The following LRMDA variants were observed in gnomAD, a reference collection of about 807,000 sequenced individuals.
LRMDA encodes leucine-rich melanocyte differentiation-associated protein.
LRMDA carries 18 observed loss-of-function variants against 29.8 expected under a neutral mutation model. The ratio of observed to expected loss-of-function variants is 0.60; its 90% CI spans 0.42 to 0.90. The LOEUF is 0.90. Ranked by LOEUF, LRMDA falls within the 40% of genes least tolerant of loss-of-function variation. The pLI, the probability that LRMDA is intolerant of heterozygous loss-of-function variation, is 0.00. For synonymous variants in LRMDA, 125 were observed against 109.4 expected, an observed-to-expected ratio of 1.14 and a Z score of -0.89; for missense variants, 273 against 273.9, an observed-to-expected ratio of 1.00 and a Z score of 0.02.
At chr10:75,833,546 C>T (rs967409388) in intron 2 of LRMDA, among the ~76,000 whole-genome samples, 1 of 152,170 alleles carries the variant, frequency 6.6e-6, no homozygotes, top group Non-Finnish European at 1.5e-5. Context: ...CCTTCTGTCC[C>T]TCCAAAATTC....
chr10:76,260,322 G>T (rs1481130541), intron 5 of LRMDA, among the ~76,000 whole-genome samples: 2 of 152,126 alleles, frequency 1.3e-5, no homozygotes, highest in Non-Finnish European at 2.9e-5. Context: ...TGATGATGAT[G>T]AAGATTTTCC....
At chr10:75,532,670 T>G (rs1845492184) in intron 2 of LRMDA, among the ~76,000 whole-genome samples, 2 of 152,126 alleles carry the variant, frequency 1.3e-5, no homozygotes, top group African/African-American at 2.4e-5. Flanking sequence ...ATTCTCAGTA[T>G]GGTTGAGACA....
intron 2 of LRMDA, among the ~76,000 whole-genome samples, chr10:75,991,233 C>T (rs998022610): frequency 1.3e-5 from 2 of 152,046 alleles, no homozygotes; most frequent in Admixed American, 6.5e-5. Context: ...TGCTGGCTGT[C>T]GAGTGGAAGA....
chr10:75,999,850 T>C (rs577176914), intron 2 of LRMDA, among the ~76,000 whole-genome samples: 1 of 152,358 alleles, frequency 6.6e-6, no homozygotes, highest in Admixed American at 6.5e-5. Context: ...GAGATTTCTA[T>C]TGTATGCGGG....
intron 6 of LRMDA, among the ~76,000 whole-genome samples, chr10:76,498,666 C>A (rs958489354): frequency 1.3e-5 from 1 of 76,444 alleles, no homozygotes; most frequent in African/African-American, 3.2e-5. Context: ...GGGTGAAACC[C>A]TTTGAAGAGT....
At chr10:75,973,880 C>G (rs1847025439) in intron 2 of LRMDA, among the ~76,000 whole-genome samples, 2 of 152,066 alleles carry the variant, frequency 1.3e-5, no homozygotes, top group Non-Finnish European at 2.9e-5. Context: ...TTGAAAGCAA[C>G]CTGGATTTAG....
intron 6 of LRMDA, among the ~76,000 whole-genome samples, chr10:76,473,618 T>TA (rs56100866): frequency 1.0e-4 from 15 of 147,228 alleles, no homozygotes; most frequent in East Asian, 4.0e-4. Flanking sequence ...AGGATTCTGC[T>TA]AAAAAAAAAA....
rs77479622 is a variant in LRMDA, at chr10:75,549,093, C to T, written c.131+110599C>T. On this transcript the variant is annotated intron_variant, in intron 2 of 6. Coordinates refer to ENST00000611255, the MANE Select transcript of LRMDA (RefSeq NM_001305581.2). Reference sequence around the variant, plus strand: ...ACCCTTTTGTGTGCCTAGTTTCTTTCACTCAAAAGCATAATGCTTTTGAGA... The same window carrying T: ...ACCCTTTTGTGTGCCTAGTTTCTTTTACTCAAAAGCATAATGCTTTTGAGA... 2.4e-3 allele frequency among the ~76,000 whole-genome samples: 363 copies of T among 152,174 alleles called. 5 individuals carry two copies. Among genetic ancestry groups the T allele is most frequent in the African/African-American group, 8.6e-3 (359 of 41,534 alleles).
intron 2 of LRMDA, among the ~76,000 whole-genome samples, chr10:75,713,236 G>A (rs1438344629): frequency 6.6e-6 from 1 of 152,216 alleles, no homozygotes; most frequent in African/African-American, 2.4e-5. Context: ...TTAATTGGGA[G>A]AGAAAGAAAA....
intron 2 of LRMDA, among the ~76,000 whole-genome samples, chr10:76,004,425 T>C (rs2132472043): frequency 6.6e-6 from 1 of 152,348 alleles, no homozygotes; most frequent in Non-Finnish European, 1.5e-5. Context: ...TAATTGCTGC[T>C]CTTAGTCTTG....
At chr10:75,584,838 T>C (rs768179413) in intron 2 of LRMDA, among the ~76,000 whole-genome samples, 3 of 152,304 alleles carry the variant, frequency 2.0e-5, no homozygotes, top group Non-Finnish European at 2.9e-5. Context: ...TATTAACAAG[T>C]AGCCAAAGAA....
In LRMDA at chr10:76,209,572, G is replaced by T. The variant is rs149864625; in HGVS notation, c.517-114829G>T. On this transcript the variant is annotated intron_variant, in intron 5 of 6. Coordinates refer to ENST00000611255, the MANE Select transcript of LRMDA (RefSeq NM_001305581.2). The stretch of plus-strand genomic sequence containing the variant: ...CTGCAGAGCTCTTTTGTATGTAGTG[G>T]TTGATTTCTGGGGTCCTTGCTTTGA... Among the ~76,000 whole-genome samples, 360 of 152,334 alleles carry T rather than the reference G, an allele frequency of 2.4e-3. 9 individuals carry two copies. The East Asian group carries it at 0.061, about 26-fold the overall frequency.
At chr10:75,580,605 A>C (rs919853465) in intron 2 of LRMDA, among the ~76,000 whole-genome samples, 1 of 152,218 alleles carries the variant, frequency 6.6e-6, no homozygotes, top group Admixed American at 6.5e-5. Context: ...GAGCCCGCAT[A>C]GCCAAGACAA....
intron 6 of LRMDA, among the ~76,000 whole-genome samples, chr10:76,415,832 A>G (rs1842008929): frequency 6.6e-6 from 1 of 152,174 alleles, no homozygotes; most frequent in South Asian, 2.1e-4. Context: ...GCACTGACAC[A>G]GGCTTTGTGA....
chr10:76,310,602 C>T (rs1051680773), intron 5 of LRMDA, among the ~76,000 whole-genome samples: 6 of 152,132 alleles, frequency 3.9e-5, no homozygotes, highest in African/African-American at 1.4e-4. Flanking sequence ...ATCTGTGATG[C>T]AGGCTTTCCC....
intron 2 of LRMDA, among the ~76,000 whole-genome samples, chr10:75,920,949 G>C (rs1846015903): frequency 6.6e-6 from 1 of 152,178 alleles, no homozygotes; most frequent in Non-Finnish European, 1.5e-5. Flanking sequence ...AGAGAGGAGA[G>C]AAGGGAGCTC....
chr10:76,535,819 C>T (rs953079227), intron 6 of LRMDA: 5 of 152,048 alleles, frequency 3.3e-5, no homozygotes, highest in African/African-American at 1.2e-4. Context: ...TTCTTGTCGC[C>T]CAGGCTGGAG....
chr10:75,775,611 G>A (rs544161432), intron 2 of LRMDA, among the ~76,000 whole-genome samples: 1 of 152,196 alleles, frequency 6.6e-6, no homozygotes, highest in African/African-American at 2.4e-5. Flanking sequence ...ACATGTGTGA[G>A]TCATATGTAA....
intron 2 of LRMDA, among the ~76,000 whole-genome samples, chr10:75,997,915 C>G (rs1413927940): frequency 1.3e-5 from 2 of 152,224 alleles, no homozygotes; most frequent in African/African-American, 4.8e-5. Context: ...CAACTCAGTG[C>G]TCTCTCAGAG....
Sources: allele counts gnomAD v4.1 joint callset (sites outside exome capture counted in the v4.1 genomes callset), GRCh38; gene constraint gnomAD v4.1.1; transcripts MANE v1.5; gene names NCBI Gene and HGNC (gene_info 2026-07-23, HGNC 2026-07-21).